Variants in CHM observed in about 807,000 individuals in gnomAD.
The protein encoded by CHM is CHM Rab escort protein.
CHM carries 10 observed loss-of-function variants against 49.0 expected under a neutral mutation model. That is an observed-to-expected ratio of 0.20 (90% confidence interval 0.13 to 0.35). The LOEUF is 0.35. Among genes scored for constraint, CHM ranks in the 10% least tolerant of loss-of-function variants. The pLI is 1.00. For synonymous variants in CHM, 184 were observed against 167.5 expected (o/e 1.10, Z -0.76); for missense variants, 455 against 478.4 (o/e 0.95, Z 0.46).
At chrX:85,895,000 G>A (rs944588850) in intron 11 of CHM, among the ~76,000 whole-genome samples, 8 of 110,762 alleles carry the variant, frequency 7.2e-5, no homozygotes, top group African/African-American at 2.6e-4. Flanking sequence ...TAGAAATTCA[G>A]AATCAAAAGT....
At chrX:85,887,192 T>C (rs922409352) in intron 12 of CHM, among the ~76,000 whole-genome samples, 6 of 110,609 alleles carry the variant, frequency 5.4e-5, no homozygotes, top group Non-Finnish European at 1.1e-4. Context: ...AATCTCATCT[T>C]GAATTCTCAC....
intron 12 of CHM, among the ~76,000 whole-genome samples, chrX:85,892,587 A>C (rs1925549572): frequency 9.0e-6 from 1 of 111,466 alleles, no homozygotes; most frequent in Admixed American, 9.6e-5. Context: ...TGTGATTCCA[A>C]TTAAACCTCT....
At chrX:86,015,738 T>C (rs1317219345) in intron 2 of CHM, among the ~76,000 whole-genome samples, 3 of 112,532 alleles carry the variant, frequency 2.7e-5, no homozygotes, top group Non-Finnish European at 3.8e-5. Flanking sequence ...AAGAGACTGG[T>C]GGCATTTTGC....
chrX:85,875,824 A>G (rs756535856), intron 13 of CHM, among the ~76,000 whole-genome samples: 2 of 111,750 alleles, frequency 1.8e-5, no homozygotes, highest in Non-Finnish European at 3.8e-5. Context: ...AGATGCCATC[A>G]AAAGGCTCCT....
chrX:85,967,384 C>A (rs1413805476), intron 4 of CHM, among the ~76,000 whole-genome samples: 1 of 112,171 alleles, frequency 8.9e-6, no homozygotes, highest in African/African-American at 3.2e-5. Flanking sequence ...TTACCAATTA[C>A]AAAACAATGT....
At chrX:85,912,643 C>T (rs1927100717) in intron 8 of CHM, among the ~76,000 whole-genome samples, 1 of 111,479 alleles carries the variant, frequency 9.0e-6, no homozygotes, top group Admixed American at 9.5e-5. Context: ...AAGGACTTTA[C>T]AGTGGTGATT....
rs1275646205 is a variant in CHM, at chrX:85,861,688, C to G, written c.*2942G>C. On this transcript the variant is annotated 3_prime_UTR_variant, in exon 15 of 15. Coordinates refer to ENST00000357749, the MANE Select transcript of CHM (RefSeq NM_000390.4). The stretch of plus-strand genomic sequence containing the variant: ...TACAGTATATGTTTTTCTGAGCAGG[C>G]ACACCAACTAGGAAAAAATACAATA... 9.0e-6 allele frequency: 1 copy of G among 111,489 alleles called. No homozygotes were observed. The highest frequency in any genetic ancestry group is 1.9e-5 in the Non-Finnish European group (1 of 53,005). The allele number at this position is 111,489 out of a possible 1,213,427, so 9.2% of individuals were successfully genotyped here. A position where few individuals can be genotyped will look rare whatever the true frequency, so the allele number is the denominator to read the frequency against.
intron 1 of CHM, among the ~76,000 whole-genome samples, chrX:86,046,723 T>C (rs2147818003): frequency 8.9e-6 from 1 of 112,007 alleles, no homozygotes. Context: ...ATATGTCAAC[T>C]AGAAACTGCA....
At chrX:86,015,227 G>C (rs183994618) in intron 2 of CHM, among the ~76,000 whole-genome samples, 1 of 110,921 alleles carries the variant, frequency 9.0e-6, no homozygotes, top group African/African-American at 3.3e-5. Flanking sequence ...CTGTCCTTGT[G>C]ATAGTGAATA....
intron 7 of CHM, 24 bp from the exon 8 acceptor site, chrX:85,956,402 A>C (rs747160488): frequency 1.1e-5 from 13 of 1,190,372 alleles, no homozygotes; most frequent in Non-Finnish European, 1.5e-5. Context: ...AAATTTTATC[A>C]CTTAAAATCA....
intron 4 of CHM, chrX:85,971,526 C>T (rs1369203673): frequency 3.6e-5 from 10 of 279,424 alleles, no homozygotes; most frequent in African/African-American, 1.7e-4. Flanking sequence ...TCTCGGTGGG[C>T]GCAGGAGTGA....
chrX:85,972,978 A>G (rs1055809819), intron 4 of CHM, among the ~76,000 whole-genome samples: 1 of 111,386 alleles, frequency 9.0e-6, no homozygotes, highest in African/African-American at 3.3e-5. Context: ...CTCTTCCTTA[A>G]TGTTAAATAA....
chrX:85,872,066 G>A (rs1222163475), intron 14 of CHM, among the ~76,000 whole-genome samples: 1 of 111,621 alleles, frequency 9.0e-6, no homozygotes, highest in African/African-American at 3.3e-5. Flanking sequence ...ATCAGGCACT[G>A]AAGAAAATAC....
chrX:85,977,636 A>G (rs1931349031), intron 4 of CHM, among the ~76,000 whole-genome samples: 1 of 112,325 alleles, frequency 8.9e-6, no homozygotes, highest in Non-Finnish European at 1.9e-5. Context: ...AAGTTACCAA[A>G]TATTTATTCC....
intron 4 of CHM, chrX:85,971,404 T>C (rs1480317644): frequency 6.7e-6 from 1 of 148,716 alleles, no homozygotes; most frequent in Non-Finnish European, 1.2e-5. Flanking sequence ...TTCCTTCTGG[T>C]GGGTTCGTGG....
intron 11 of CHM, among the ~76,000 whole-genome samples, chrX:85,898,196 C>T (rs772036221): frequency 4.0e-4 from 44 of 111,154 alleles, no homozygotes; most frequent in Non-Finnish European, 6.0e-4. Context: ...TACATCTTTC[C>T]TTGAGCTTCT....
At chrX:86,035,662 C>T (rs1934204520) in intron 1 of CHM, among the ~76,000 whole-genome samples, 1 of 110,055 alleles carries the variant, frequency 9.1e-6, no homozygotes, top group African/African-American at 3.3e-5. Flanking sequence ...GAGCCCTACA[C>T]TTTTTGATAT....
intron 2 of CHM, among the ~76,000 whole-genome samples, chrX:86,011,664 TG>T (rs1458643107): frequency 8.9e-6 from 1 of 111,791 alleles, no homozygotes; most frequent in Non-Finnish European, 1.9e-5. Context: ...TTATCTTATA[TG>T]GCAAAAAGGA....
At chrX:85,968,898 T>C (rs1196692944) in intron 4 of CHM, among the ~76,000 whole-genome samples, 2 of 112,054 alleles carry the variant, frequency 1.8e-5, no homozygotes, top group African/African-American at 3.2e-5. Context: ...AGTGTTTCAA[T>C]TCTGGCCTAA....
Sources: gnomAD v4.1 joint callset for allele counts (sites outside exome capture counted in the v4.1 genomes callset) on GRCh38, gnomAD v4.1.1 for gene constraint, MANE v1.5 for transcripts, NCBI Gene and HGNC (gene_info 2026-07-23, HGNC 2026-07-21) for gene names.